Variants in TMEM132D observed in about 807,000 individuals in gnomAD.
The protein encoded by TMEM132D is transmembrane protein 132D, also known as mature OL transmembrane protein.
TMEM132D carries 21 observed loss-of-function variants against 62.3 expected under a neutral mutation model. The observed-to-expected ratio is 0.34, with a 90% CI of 0.24 to 0.49. TMEM132D has a LOEUF of 0.49. Among genes scored for constraint, TMEM132D ranks in the 20% least tolerant of loss-of-function variants. The pLI is 0.99. For missense variants in TMEM132D, 1,346 were observed against 1,402.8 expected, an observed-to-expected ratio of 0.96 and a Z score of 0.65; for synonymous variants, 621 against 575.6, an observed-to-expected ratio of 1.08 and a Z score of -1.13.
chr12:129,228,506 T>TC (rs1429094094), intron 4 of TMEM132D, among the ~76,000 whole-genome samples: 1 of 152,142 alleles, frequency 6.6e-6, no homozygotes, highest in Non-Finnish European at 1.5e-5. Context: ...CTTAGCTACT[T>TC]CCCCACCCCT....
rs146131626 is a variant in TMEM132D, at chr12:129,294,006, C to T, written c.1299+43628G>A. Among the ~76,000 whole-genome samples the T allele has an allele frequency of 2.4e-3, 362 of 152,250 alleles. 1 individual carries two copies. The highest frequency in any genetic ancestry group is 8.2e-3 in the African/African-American group (341 of 41,542). On this transcript the variant is annotated intron_variant, in intron 4 of 8. Coordinates refer to ENST00000422113, the MANE Select transcript of TMEM132D (RefSeq NM_133448.3). ...GTAACTGAGATTCCATTCCTGAAAA[C>T]GAGCAGCATTTAGAAACTTGAAAAA...
intron 5 of TMEM132D, among the ~76,000 whole-genome samples, chr12:129,096,617 C>T (rs552078291): frequency 6.6e-6 from 1 of 152,238 alleles, no homozygotes; most frequent in South Asian, 2.1e-4. Context: ...CTGGGGGCTG[C>T]CTGCTACCAG....
chr12:129,422,863 C>T (rs1030790976), intron 3 of TMEM132D, among the ~76,000 whole-genome samples: 1 of 140,658 alleles, frequency 7.1e-6, no homozygotes, highest in Non-Finnish European at 1.6e-5. Flanking sequence ...TTTCTCTATA[C>T]ATACATATAT....
At chr12:129,763,989 T>C (rs1358970576) in intron 1 of TMEM132D, among the ~76,000 whole-genome samples, 10 of 152,200 alleles carry the variant, frequency 6.6e-5, no homozygotes, top group Non-Finnish European at 1.2e-4. Flanking sequence ...CTCGTTGCAT[T>C]TTCCTACCTT....
intron 5 of TMEM132D, among the ~76,000 whole-genome samples, chr12:129,188,423 G>A (rs1878278888): frequency 6.6e-6 from 1 of 152,184 alleles, no homozygotes; most frequent in Non-Finnish European, 1.5e-5. Context: ...GCTTCTTGAT[G>A]AAATAAATGC....
At chr12:129,264,325 G>A (rs563906599) in intron 4 of TMEM132D, among the ~76,000 whole-genome samples, 196 of 152,246 alleles carry the variant, frequency 1.3e-3, no homozygotes, top group African/African-American at 4.0e-3. Context: ...GGAGGTGGAG[G>A]TTGCAGTGAG....
intron 2 of TMEM132D, among the ~76,000 whole-genome samples, chr12:129,555,208 G>T (rs142480487): frequency 1.3e-5 from 2 of 152,170 alleles, no homozygotes; most frequent in East Asian, 3.9e-4. Flanking sequence ...TCAACAGCCC[G>T]ATGGTATTCA....
intron 2 of TMEM132D, among the ~76,000 whole-genome samples, chr12:129,533,761 G>A (rs1021933613): frequency 2.0e-5 from 3 of 152,134 alleles, no homozygotes. Flanking sequence ...CTGCAAAAAT[G>A]TTTTTTCCTG....
intron 2 of TMEM132D, among the ~76,000 whole-genome samples, chr12:129,654,111 A>C (rs1234406188): frequency 6.6e-6 from 1 of 152,160 alleles, no homozygotes; most frequent in Admixed American, 6.5e-5. Flanking sequence ...GAGGTTATTC[A>C]TCTTTGGGAG....
intron 5 of TMEM132D, among the ~76,000 whole-genome samples, chr12:129,145,011 C>T (rs1474889418): frequency 1.3e-5 from 2 of 151,926 alleles, no homozygotes; most frequent in African/African-American, 4.8e-5. Flanking sequence ...TGTATATATA[C>T]ACACACATAT....
chr12:129,643,076 C>G (rs540575386), intron 2 of TMEM132D, among the ~76,000 whole-genome samples: 12 of 152,096 alleles, frequency 7.9e-5, no homozygotes, highest in African/African-American at 2.9e-4. Flanking sequence ...AGGCACACTC[C>G]ACCACGCCCG....
At chr12:129,225,981 G>A (rs576130591) in intron 4 of TMEM132D, among the ~76,000 whole-genome samples, 2 of 152,232 alleles carry the variant, frequency 1.3e-5, no homozygotes, top group South Asian at 2.1e-4. Context: ...ACTCCACTTG[G>A]TGCTCAGCCA....
intron 4 of TMEM132D, among the ~76,000 whole-genome samples, chr12:129,227,332 A>G (rs1272122545): frequency 1.3e-5 from 1 of 77,098 alleles, no homozygotes; most frequent in Admixed American, 1.4e-4. Context: ...TATATGGCGC[A>G]AGTCGGAGTT....
intron 2 of TMEM132D, among the ~76,000 whole-genome samples, chr12:129,533,246 G>A (rs1273668608): frequency 6.6e-6 from 1 of 152,194 alleles, no homozygotes; most frequent in Non-Finnish European, 1.5e-5. Flanking sequence ...TTTAAAAACT[G>A]GGAATCGCAT....
At chr12:129,812,372 G>C (rs1872212962) in intron 1 of TMEM132D, among the ~76,000 whole-genome samples, 1 of 151,634 alleles carries the variant, frequency 6.6e-6, no homozygotes, top group African/African-American at 2.4e-5. Context: ...TGCCAGGATG[G>C]GTTATCTCGT....
chr12:129,830,785 A>G (rs535442985), intron 1 of TMEM132D, among the ~76,000 whole-genome samples: 1 of 152,118 alleles, frequency 6.6e-6, no homozygotes, highest in Non-Finnish European at 1.5e-5. Flanking sequence ...AAAGTTAGTT[A>G]TTATTATTAC....
At chr12:129,262,289 T>C (rs1880569993) in intron 4 of TMEM132D, 1 of 152,256 alleles carries the variant, frequency 6.6e-6, no homozygotes, top group East Asian at 1.9e-4. Flanking sequence ...ATGAATTTGC[T>C]AATTATTCTT....
chr12:129,787,473 A>G (rs577149614), intron 1 of TMEM132D, among the ~76,000 whole-genome samples: 1 of 152,294 alleles, frequency 6.6e-6, no homozygotes, highest in Admixed American at 6.5e-5. Context: ...TTGCACTTAG[A>G]TCATCCTAAA....
At chr12:129,259,978 T>A (rs1228873806) in intron 4 of TMEM132D, among the ~76,000 whole-genome samples, 1 of 152,176 alleles carries the variant, frequency 6.6e-6, no homozygotes, top group Non-Finnish European at 1.5e-5. Flanking sequence ...AAGTTTGAGA[T>A]GTGTTAGACC....
Sources: allele counts gnomAD v4.1 joint callset (sites outside exome capture counted in the v4.1 genomes callset), GRCh38; gene constraint gnomAD v4.1.1; transcripts MANE v1.5; gene names NCBI Gene and HGNC (gene_info 2026-07-23, HGNC 2026-07-21).